ELP1: variants seen among roughly 807,000 people sequenced by gnomAD.
ELP1 encodes elongator acetyltransferase complex subunit 1.
In ELP1, 131 loss-of-function variants were observed where a neutral mutation model predicts 183.2. The ratio of observed to expected loss-of-function variants is 0.72; its 90% CI spans 0.62 to 0.83. The LOEUF is 0.83. Among genes scored for constraint, ELP1 ranks in the 40% least tolerant of loss-of-function variants. ELP1 has a pLI of 0.00. For missense variants in ELP1, 1,550 were observed against 1,594.9 expected (o/e 0.97, Z 0.48); for synonymous variants, 555 against 569.0 (o/e 0.98, Z 0.35).
chr9:108,884,576 C>T (rs1828053784), intron 29 of ELP1, among the ~76,000 whole-genome samples: 1 of 152,022 alleles, frequency 6.6e-6, no homozygotes, highest in East Asian at 1.9e-4. Flanking sequence ...AAATTAATAA[C>T]AAAAAGATGG....
chr9:108,894,052 A>G lies in ELP1; in HGVS notation c.2751T>C (p.Tyr917=). ...AEKSQKDPKE[Y]LPFLNTLKKM... ...TCTTAAGTGTATTAAGAAATGGAAG[A>G]TATTCTTTGGGATCCTAAAAAAATG... Residue 917 remains tyrosine, a synonymous_variant, in exon 26 of 37, where the codon TAT becomes TAC. Coordinates refer to ENST00000374647, the MANE Select transcript of ELP1 (RefSeq NM_003640.5). 1 of 1,511,610 alleles carries G rather than the reference A, an allele frequency of 6.6e-7. No individual in the cohort carries two copies. Among genetic ancestry groups the G allele is most frequent in the South Asian group, 1.1e-5 (1 of 88,370 alleles). 93.6% of individuals were successfully genotyped at this position (1,511,610 alleles called of 1,614,324 possible). A position where few individuals can be genotyped will look rare whatever the true frequency, so the allele number is the denominator to read the frequency against.
chr9:108,876,483 C>T (rs887963616), intron 35 of ELP1, among the ~76,000 whole-genome samples: 1 of 152,126 alleles, frequency 6.6e-6, no homozygotes, highest in Non-Finnish European at 1.5e-5. Context: ...AAGTCTTATG[C>T]CCATTTCTAA....
intron 14 of ELP1, among the ~76,000 whole-genome samples, chr9:108,905,669 G>A (rs1234493140): frequency 1.3e-5 from 2 of 152,104 alleles, no homozygotes; most frequent in Non-Finnish European, 2.9e-5. Context: ...TGTGTTGTTA[G>A]GTGATTTCAT....
In ELP1 at chr9:108,917,549, T is replaced by C. The variant is rs202184408; in HGVS notation, c.862A>G (p.Lys288Glu). 1 of 1,613,940 alleles carries C rather than the reference T, an allele frequency of 6.2e-7. No individual in the cohort carries two copies. Among genetic ancestry groups the C allele is most frequent in the Non-Finnish European group, 8.5e-7 (1 of 1,179,896 alleles). ...FTLPFLKDEV[K>E]VNDLLWNADS... is the part of the protein sequence containing the mutation. ...GTGAAACAAACTCAGGCACTTACCTTAACCTCATCTTTAAGGAAGGGAAGT... is the reference window on the plus strand; with the variant it reads ...GTGAAACAAACTCAGGCACTTACCTCAACCTCATCTTTAAGGAAGGGAAGT... Residue 288 changes from lysine (K) to glutamate (E), a missense_variant and splice_region_variant, in exon 9 of 37, where the codon AAG becomes GAG. By Grantham distance (56) the Lys-to-Glu change is moderately conservative. Transcript: ENST00000374647.
At chr9:108,918,944 T>A in intron 7 of ELP1, 43 bp from the exon 8 acceptor site, 2 of 1,441,580 alleles carry the variant, frequency 1.4e-6, no homozygotes, top group South Asian at 2.3e-5. Context: ...ACTTAAAACA[T>A]TATGATAAAA....
At chr9:108,871,030 T>C (rs1827434612) in intron 36 of ELP1, among the ~76,000 whole-genome samples, 1 of 150,700 alleles carries the variant, frequency 6.6e-6, no homozygotes, top group Non-Finnish European at 1.5e-5. Context: ...ATTTCCTTGA[T>C]TGGCTGTCGT....
At chr9:108,871,086 G>T (rs2850) in intron 36 of ELP1, among the ~76,000 whole-genome samples, 3 of 150,322 alleles carry the variant, frequency 2.0e-5, no homozygotes, top group South Asian at 4.2e-4. Flanking sequence ...TTCTCTAGCA[G>T]GAATTTATTG....
intron 15 of ELP1, among the ~76,000 whole-genome samples, chr9:108,903,240 C>T (rs1160727658): frequency 6.6e-6 from 1 of 151,870 alleles, no homozygotes; most frequent in Admixed American, 6.6e-5. Flanking sequence ...CCCCACCCCA[C>T]GACAGGCCCA....
chr9:108,928,865 T>C (rs1829904396), intron 3 of ELP1, among the ~76,000 whole-genome samples: 1 of 152,176 alleles, frequency 6.6e-6, no homozygotes, highest in African/African-American at 2.4e-5. Flanking sequence ...TTGTACTAAA[T>C]GGAATGGTTA....
chr9:108,895,423 G>A (rs147901998), intron 25 of ELP1, among the ~76,000 whole-genome samples: 1 of 152,266 alleles, frequency 6.6e-6, no homozygotes, highest in African/African-American at 2.4e-5. Flanking sequence ...GGGGAATGGT[G>A]AGGGTGGAAG....
intron 1 of ELP1, among the ~76,000 whole-genome samples, chr9:108,933,405 C>T (rs1010306169): frequency 3.9e-5 from 6 of 152,208 alleles, no homozygotes; most frequent in African/African-American, 1.4e-4. Flanking sequence ...GATTACTCAG[C>T]CACTGTCTCC....
In ELP1 at chr9:108,901,481, A is replaced by G; in HGVS notation, c.1958T>C (p.Leu653Ser). Reference protein sequence around the residue: ...SFAVYDEFLLLTTHSHTCQCF... With the variant: ...SFAVYDEFLLSTTHSHTCQCF... ...CTGGCAGGTATGGGAATGGGTTGTC[A>G]ACAATAAAAACTCATCATATACTGC... is the stretch of plus-strand genomic sequence containing the variant. The change falls in exon 18 of 37, where the codon TTG becomes TCG. Residue 653 changes from leucine (L) to serine (S), a missense_variant. Coordinates refer to ENST00000374647, the MANE Select transcript of ELP1 (RefSeq NM_003640.5). The G allele has an allele frequency of 6.2e-7, 1 of 1,614,168 alleles. No individual in the cohort carries two copies. The highest frequency in any genetic ancestry group is 1.3e-5 in the African/African-American group (1 of 75,050).
In ELP1 at chr9:108,912,406, C is replaced by G. The variant is rs781560088; in HGVS notation, c.1047G>C (p.Leu349=). ...STCGKSKIVS[L]MWDPVTPYRL... ...GGTATGGGGTCACAGGGTCCCACAT[C>G]AGAGACACAATCTTGCTCTTCCCAC... Residue 349 remains leucine (L), a synonymous_variant, in exon 11 of 37, where the codon CTG becomes CTC. Coordinates refer to ENST00000374647, the MANE Select transcript of ELP1 (RefSeq NM_003640.5). 1.9e-6 allele frequency: 3 copies of G among 1,614,026 alleles called. No individual in the cohort carries two copies. The East Asian group carries it at 6.7e-5, about 36-fold the overall frequency.
Position 108,868,832 on chromosome 9 carries a change from C to T in ELP1, c.*283G>A. On this transcript the variant is annotated 3_prime_UTR_variant, in exon 37 of 37. Coordinates refer to ENST00000374647, the MANE Select transcript of ELP1 (RefSeq NM_003640.5). ...CATGAAACATTAATCTCATGATTACCATAATTATGCTCTCAAACAGCCCAA... is the reference window on the plus strand; with the variant it reads ...CATGAAACATTAATCTCATGATTACTATAATTATGCTCTCAAACAGCCCAA... 1 of 587,770 alleles carries T rather than the reference C, an allele frequency of 1.7e-6. No homozygotes were observed. The highest frequency in any genetic ancestry group is 3.0e-6 in the Non-Finnish European group (1 of 330,386). 36.4% of individuals were successfully genotyped at this position (587,770 alleles called of 1,614,324 possible).
chr9:108,909,899 G>A (rs894286363), intron 12 of ELP1, among the ~76,000 whole-genome samples: 6 of 152,072 alleles, frequency 3.9e-5, no homozygotes, highest in African/African-American at 1.4e-4. Context: ...TCCTAAAATT[G>A]ATCGTGGTGA....
At chr9:108,915,069 A>T (rs2132022993) in intron 10 of ELP1, among the ~76,000 whole-genome samples, 1 of 152,358 alleles carries the variant, frequency 6.6e-6, no homozygotes, top group South Asian at 2.1e-4. Flanking sequence ...CTTATTTTCT[A>T]ACATTTTCAA....
chr9:108,921,442 C>T (rs1177848955), intron 6 of ELP1, among the ~76,000 whole-genome samples: 2 of 152,162 alleles, frequency 1.3e-5, no homozygotes, highest in Non-Finnish European at 2.9e-5. Context: ...GAGTAAAGTG[C>T]TATTTTTAAA....
At chr9:108,872,995 CAT>C (rs1827547214) in intron 36 of ELP1, among the ~76,000 whole-genome samples, 1 of 152,058 alleles carries the variant, frequency 6.6e-6, no homozygotes, top group Admixed American at 6.5e-5. Context: ...CAGGACATGA[CAT>C]ATTTCACATT....
At chr9:108,899,934 GA>G (rs746331000) in intron 19 of ELP1, 39 bp from the exon 20 acceptor site, 2 of 1,528,834 alleles carry the variant, frequency 1.3e-6, no homozygotes, top group Admixed American at 1.7e-5. Flanking sequence ...TAATTAAGTA[GA>G]AAACATTTAA....
Sources: allele counts gnomAD v4.1 joint callset (sites outside exome capture counted in the v4.1 genomes callset), GRCh38; gene constraint gnomAD v4.1.1; transcripts MANE v1.5; gene names NCBI Gene and HGNC (gene_info 2026-07-23, HGNC 2026-07-21).